DLC1: variants seen among roughly 807,000 people sequenced by gnomAD.
DLC1 encodes the protein rho GTPase-activating protein 7.
In DLC1, 54 loss-of-function variants were observed where a neutral mutation model predicts 140.3. The ratio of observed to expected loss-of-function variants is 0.38; its 90% CI spans 0.31 to 0.48. DLC1 has a LOEUF of 0.48. Among genes scored for constraint, DLC1 ranks in the 20% least tolerant of loss-of-function variants. The pLI is 0.96. For synonymous variants in DLC1, 986 were observed against 728.1 expected (o/e 1.35, Z -5.70); for missense variants, 2,536 against 1,907.0 (o/e 1.33, Z -6.14).
chr8:13,178,148 A>C (rs1563140214), intron 5 of DLC1, among the ~76,000 whole-genome samples: 1 of 152,202 alleles, frequency 6.6e-6, no homozygotes, highest in Non-Finnish European at 1.5e-5. Flanking sequence ...TGAATTGCAG[A>C]TCTAGAAGTG....
chr8:13,179,822 A>G (rs1270373890), intron 5 of DLC1, among the ~76,000 whole-genome samples: 1 of 152,172 alleles, frequency 6.6e-6, no homozygotes, highest in African/African-American at 2.4e-5. Context: ...ACTATATATT[A>G]TATAAAAATG....
At chr8:13,455,112 A>G (rs543179440) in intron 2 of DLC1, among the ~76,000 whole-genome samples, 1 of 152,144 alleles carries the variant, frequency 6.6e-6, no homozygotes, top group Non-Finnish European at 1.5e-5. Context: ...ATTGTTCATA[A>G]CTCACACTTT....
intron 2 of DLC1, among the ~76,000 whole-genome samples, chr8:13,460,970 T>C (rs1358440250): frequency 1.3e-5 from 2 of 152,324 alleles, no homozygotes; most frequent in Admixed American, 6.5e-5. Flanking sequence ...CCCAGCGTTT[T>C]GGGAGGCCAA....
chr8:13,225,542 A>G (rs1216825967), intron 5 of DLC1, among the ~76,000 whole-genome samples: 1 of 152,104 alleles, frequency 6.6e-6, no homozygotes, highest in Admixed American at 6.5e-5. Context: ...CAGCAGAGAT[A>G]TGCTTTTCTT....
chr8:13,122,800 C>A (rs1821208448), intron 5 of DLC1, among the ~76,000 whole-genome samples: 1 of 116,446 alleles, frequency 8.6e-6, no homozygotes, highest in African/African-American at 4.1e-5. Flanking sequence ...TATGCATAGT[C>A]TGAAAAAAAA....
chr8:13,481,273 A>G (rs1030145578), intron 2 of DLC1, among the ~76,000 whole-genome samples: 9 of 152,096 alleles, frequency 5.9e-5, no homozygotes, highest in Non-Finnish European at 4.4e-5. Context: ...AAAAAATACA[A>G]AATCTTAACC....
In DLC1 at chr8:13,479,802, AAAGAAGAAGAAGAAGAAGAAGAAG is replaced by A. The variant is rs60625191; in HGVS notation, c.1023+19223_1023+19246del. Among the ~76,000 whole-genome samples the A allele has an allele frequency of 2.0e-3, 111 of 56,814 alleles. 2 individuals are homozygous for A. The highest frequency in any genetic ancestry group is 5.9e-3 in the South Asian group (10 of 1,690). The allele number at this position is 56,814 out of a possible 152,430, so 37.3% of individuals were successfully genotyped here. A position where few individuals can be genotyped will look rare whatever the true frequency, so the allele number is the denominator to read the frequency against. Reference sequence around the variant, plus strand: ...AAAAGAAAAGGAAAAGAAAGAAAGAAAAGAAGAAGAAGAAGAAGAAGAAGAAGAAGAAGAAGAAGAAGAAGAAGA... The same window carrying A: ...AAAAGAAAAGGAAAAGAAAGAAAGAAAAGAAGAAGAAGAAGAAGAAGAAGA... On this transcript the variant is annotated intron_variant, in intron 2 of 17. Coordinates refer to ENST00000276297, the MANE Select transcript of DLC1 (RefSeq NM_182643.3).
chr8:13,234,103 G>C (rs1829175854), intron 5 of DLC1, among the ~76,000 whole-genome samples: 2 of 152,118 alleles, frequency 1.3e-5, no homozygotes, highest in Non-Finnish European at 2.9e-5. Flanking sequence ...GACAACAGTA[G>C]TCTTTGTTTA....
In DLC1 at chr8:13,092,831, C is replaced by A; in HGVS notation, c.3527-6G>T. The A allele has an allele frequency of 6.2e-7, 1 of 1,610,338 alleles. No individual in the cohort carries two copies. Among genetic ancestry groups the A allele is most frequent in the Non-Finnish European group, 8.5e-7 (1 of 1,177,720 alleles). On this transcript the variant is annotated splice_polypyrimidine_tract_variant and splice_region_variant and intron_variant, in intron 12 of 17. Transcript: ENST00000276297. ...GCGCTGGTCCTTGGGCACATCTGCA[C>A]GACACCAGCACTTTCTCCATCAGCT...
At chr8:13,550,172 T>TTGGATTATGGGGGGCAG (rs1803797190) in intron 1 of DLC1, among the ~76,000 whole-genome samples, 1 of 151,960 alleles carries the variant, frequency 6.6e-6, no homozygotes, top group African/African-American at 2.4e-5. Context: ...GGGGAGGTGA[T>TTGGATTATGGGGGGCAG]TGGATTATGG....
chr8:13,095,373 A>T, intron 10 of DLC1, 128 bp from the exon 11 acceptor site: 1 of 1,155,494 alleles, frequency 8.7e-7, no homozygotes, highest in Non-Finnish European at 1.2e-6. Context: ...ACTTAAATTT[A>T]AATTAAACAA....
intron 1 of DLC1, among the ~76,000 whole-genome samples, chr8:13,507,310 T>C (rs1802141252): frequency 1.3e-5 from 2 of 152,220 alleles, no homozygotes; most frequent in South Asian, 2.1e-4. Flanking sequence ...GAAGATATTA[T>C]GTTTCTTAAT....
intron 2 of DLC1, among the ~76,000 whole-genome samples, chr8:13,405,469 T>C (rs182404139): frequency 2.0e-5 from 3 of 152,324 alleles, no homozygotes; most frequent in Admixed American, 1.3e-4. Context: ...TTCGGAAATA[T>C]AAAAGTTCAA....
chr8:13,211,463 G>T (rs980408269), intron 5 of DLC1, among the ~76,000 whole-genome samples: 1 of 152,160 alleles, frequency 6.6e-6, no homozygotes, highest in African/African-American at 2.4e-5. Flanking sequence ...GCTCACACTT[G>T]CATTCTCTCC....
In DLC1 at chr8:13,336,375, C is replaced by G. The variant is rs190080062; in HGVS notation, c.1315-31073G>C. Among the ~76,000 whole-genome samples, 776 of 152,160 alleles carry G rather than the reference C, an allele frequency of 5.1e-3. 10 individuals carry two copies. The highest frequency in any genetic ancestry group is 0.018 in the African/African-American group (742 of 41,492). ...ATGTAATAAAATAATATTTGTTACA[C>G]TATATTAATTTTTCAGACTACGAAA... On this transcript the variant is annotated intron_variant, in intron 4 of 17. Transcript: ENST00000276297.
chr8:13,497,187 T>A (rs1801556048), intron 2 of DLC1, among the ~76,000 whole-genome samples: 1 of 152,206 alleles, frequency 6.6e-6, no homozygotes, highest in African/African-American at 2.4e-5. Context: ...TCTGTACATA[T>A]CTTTCTATGA....
At chr8:13,348,512 T>C (rs1586180517) in intron 4 of DLC1, among the ~76,000 whole-genome samples, 1 of 152,206 alleles carries the variant, frequency 6.6e-6, no homozygotes, top group Non-Finnish European at 1.5e-5. Flanking sequence ...CTGGAAAGGA[T>C]ACCAGTTAGA....
chr8:13,085,759 A>G lies in DLC1; in HGVS notation c.*52T>C. The G allele has an allele frequency of 6.2e-7, 1 of 1,609,368 alleles. No homozygotes were observed. Among genetic ancestry groups the G allele is most frequent in the African/African-American group, 1.3e-5 (1 of 74,858 alleles). ...AACCCATTCTTCAAGGACTGGCAAA[A>G]GTTCTAGAAACAAACACCATGGTGG... On this transcript the variant is annotated 3_prime_UTR_variant, in exon 18 of 18. Transcript: ENST00000276297.
intron 1 of DLC1, among the ~76,000 whole-genome samples, chr8:13,512,576 T>A (rs942835901): frequency 7.9e-5 from 12 of 152,104 alleles, no homozygotes; most frequent in Non-Finnish European, 1.5e-5. Context: ...ACTTAGGCTT[T>A]TTATATATTT....
Sources: gnomAD v4.1 joint callset for allele counts (sites outside exome capture counted in the v4.1 genomes callset) on GRCh38, gnomAD v4.1.1 for gene constraint, MANE v1.5 for transcripts, NCBI Gene and HGNC (gene_info 2026-07-23, HGNC 2026-07-21) for gene names.